CORO2B: variants seen among roughly 807,000 people sequenced by gnomAD.
The protein encoded by CORO2B is coronin-2B.
Under a neutral mutation model 58.8 loss-of-function variants are expected in CORO2B, and 26 were observed. The observed-to-expected ratio is 0.44, with a 90% confidence interval of 0.32 to 0.61. The LOEUF is 0.61. CORO2B is among the 20% of genes least tolerant of loss of function. CORO2B has a pLI of 0.04. For synonymous variants in CORO2B, 242 were observed against 253.8 expected (o/e 0.95, Z 0.44); for missense variants, 460 against 645.1 (o/e 0.71, Z 3.11).
intron 1 of CORO2B, among the ~76,000 whole-genome samples, chr15:68,583,430 C>T (rs1387374243): frequency 6.6e-6 from 1 of 152,178 alleles, no homozygotes; most frequent in Non-Finnish European, 1.5e-5. Flanking sequence ...GTGCTCTTTC[C>T]ACCCGGCTGC....
At chr15:68,697,785 C>T (rs1356803874) in intron 3 of CORO2B, among the ~76,000 whole-genome samples, 1 of 152,162 alleles carries the variant, frequency 6.6e-6, no homozygotes, top group Non-Finnish European at 1.5e-5. Context: ...GCTTCCTGGG[C>T]TGGGAAAGAG....
At chr15:68,678,716 C>T (rs1212894001) in intron 2 of CORO2B, among the ~76,000 whole-genome samples, 7 of 152,138 alleles carry the variant, frequency 4.6e-5, no homozygotes, top group Non-Finnish European at 8.8e-5. Context: ...TGAGCGTGTC[C>T]AGGGATCAGC....
At chr15:68,610,903 G>A (rs1303643096) in intron 1 of CORO2B, among the ~76,000 whole-genome samples, 1 of 152,174 alleles carries the variant, frequency 6.6e-6, no homozygotes, top group Non-Finnish European at 1.5e-5. Flanking sequence ...CAGAACTGAT[G>A]GCAGGTAGCA....
the CORO2B span, among the ~76,000 whole-genome samples, chr15:68,542,726 C>A: frequency 3.3e-5 from 5 of 152,382 alleles, no homozygotes; most frequent in African/African-American, 1.2e-4. Flanking sequence ...CCAAAAGGGT[C>A]ATTTGTCACC....
At chr15:68,692,896 A>C (rs1016768701) in intron 2 of CORO2B, among the ~76,000 whole-genome samples, 1 of 152,048 alleles carries the variant, frequency 6.6e-6, no homozygotes, top group African/African-American at 2.4e-5. Flanking sequence ...AGCCTCTCAA[A>C]GTACTGGGAT....
intron 11 of CORO2B, among the ~76,000 whole-genome samples, chr15:68,723,664 G>A (rs1893221660): frequency 6.6e-6 from 1 of 151,956 alleles, no homozygotes; most frequent in African/African-American, 2.4e-5. Context: ...ATCTTGGCCA[G>A]ACTGATCTTG....
At position 68,710,687 on chromosome 15, in the gene CORO2B, T is replaced by A; in HGVS notation, c.334-45T>A. On this transcript the variant is annotated intron_variant, in intron 3 of 11. Transcript: ENST00000261861. The surrounding 1 kb of genome is among the most constrained non-coding windows in gnomAD (Gnocchi z 4.1). ...AAGGGGCACCTCTCATCAAGGGACTTCTTGGCCGTGTCCACCCAGCCTGGA... is the reference window on the plus strand; with the variant it reads ...AAGGGGCACCTCTCATCAAGGGACTACTTGGCCGTGTCCACCCAGCCTGGA... 2.6e-6 allele frequency: 4 copies of A among 1,520,526 alleles called. 1 individual carries two copies. The South Asian group carries it at 5.3e-5, about 20-fold the overall frequency. The allele number at this position is 1,520,526 out of a possible 1,614,324, so 94.2% of individuals were successfully genotyped here.
At chr15:68,678,271 G>A (rs1382177437) in intron 2 of CORO2B, among the ~76,000 whole-genome samples, 1 of 152,202 alleles carries the variant, frequency 6.6e-6, no homozygotes, top group Non-Finnish European at 1.5e-5. Context: ...TCCATAGTAA[G>A]AGCAGGGGGA....
At chr15:68,538,491 G>T in the CORO2B span, among the ~76,000 whole-genome samples, 2 of 152,146 alleles carry the variant, frequency 1.3e-5, no homozygotes, top group African/African-American at 4.8e-5. Flanking sequence ...CTGTGAGGAG[G>T]TCCTGGGCGT....
At chr15:68,561,507 G>A in the CORO2B span, among the ~76,000 whole-genome samples, 5,586 of 152,172 alleles carry the variant, frequency 0.037, 146 homozygotes, top group Middle Eastern at 0.078. Context: ...GAGGGTCCCC[G>A]GTTGTCAAGG....
intron 1 of CORO2B, among the ~76,000 whole-genome samples, chr15:68,586,990 C>A (rs1595952967): frequency 6.6e-6 from 1 of 150,724 alleles, no homozygotes; most frequent in East Asian, 2.0e-4. Flanking sequence ...TTCTTTAAAT[C>A]TTTCTTATTA....
At chr15:68,673,834 C>CG (rs549164075) in intron 2 of CORO2B, among the ~76,000 whole-genome samples, 1,233 of 38,328 alleles carry the variant, frequency 0.032, 20 homozygotes, top group African/African-American at 0.093. Flanking sequence ...GAGACTCCGT[C>CG]TAAAAAAAAA....
chr15:68,599,532 C>T (rs1899922193), intron 1 of CORO2B, among the ~76,000 whole-genome samples: 1 of 152,212 alleles, frequency 6.6e-6, no homozygotes, highest in Non-Finnish European at 1.5e-5. Flanking sequence ...CAGAATAAAG[C>T]CACCCAACTC....
chr15:68,554,946 C>A, the CORO2B span, among the ~76,000 whole-genome samples: 1 of 152,194 alleles, frequency 6.6e-6, no homozygotes, highest in Non-Finnish European at 1.5e-5. Context: ...ATGACCCCAA[C>A]CCCAGGGCTG....
chr15:68,574,066 A>C (rs1317426250), upstream of CORO2B, among the ~76,000 whole-genome samples: 1 of 152,152 alleles, frequency 6.6e-6, no homozygotes, highest in Non-Finnish European at 1.5e-5. Context: ...GACACCAGGG[A>C]GCCCCTGATG....
the CORO2B span, among the ~76,000 whole-genome samples, chr15:68,545,914 T>C: frequency 6.6e-6 from 1 of 152,164 alleles, no homozygotes; most frequent in South Asian, 2.1e-4. Context: ...TCAAGGCCAA[T>C]GGCACTCAGA....
chr15:68,652,983 C>T (rs903019129), intron 2 of CORO2B, among the ~76,000 whole-genome samples: 7 of 152,204 alleles, frequency 4.6e-5, no homozygotes, highest in African/African-American at 1.7e-4. Context: ...CTTTATTACA[C>T]CTCTCTGATG....
In CORO2B at chr15:68,726,111, C is replaced by G; in HGVS notation, c.*137C>G. 1.7e-6 allele frequency: 2 copies of G among 1,165,056 alleles called. No homozygotes were observed. The highest frequency in any genetic ancestry group is 2.4e-6 in the Non-Finnish European group (2 of 830,204). The allele number at this position is 1,165,056 out of a possible 1,614,324, so 72.2% of individuals were successfully genotyped here. ...GCCTGAGGACCCCCGCCTACCACCT[C>G]GAGAACTGGAAGCCAACCTCTAACC... On this transcript the variant is annotated 3_prime_UTR_variant, in exon 12 of 12. Coordinates refer to ENST00000261861, the MANE Select transcript of CORO2B (RefSeq NM_006091.5).
intron 8 of CORO2B, 104 bp downstream of exon 8, chr15:68,715,415 C>T: frequency 5.0e-6 from 4 of 804,336 alleles, no homozygotes; most frequent in Non-Finnish European, 8.2e-6. Context: ...ACTCAGAAGG[C>T]CATAGCACAT....
Sources: allele counts gnomAD v4.1 joint callset (sites outside exome capture counted in the v4.1 genomes callset), GRCh38; gene constraint gnomAD v4.1.1; non-coding constraint Gnocchi (gnomAD v3.1); transcripts MANE v1.5; gene names NCBI Gene and HGNC (gene_info 2026-07-23, HGNC 2026-07-21).